The following KAT6B variants were observed in gnomAD, a reference collection of about 807,000 sequenced individuals.
The protein encoded by KAT6B is lysine acetyltransferase 6B.
In KAT6B, 10 loss-of-function variants were observed where a neutral mutation model predicts 187.5. The observed-to-expected ratio is 0.05, with a 90% CI of 0.03 to 0.09. The LOEUF is 0.09. Ranked by LOEUF, KAT6B falls within the 10% of genes least tolerant of loss-of-function variation. KAT6B has a pLI of 1.00. For synonymous variants in KAT6B, 861 were observed against 926.8 expected (o/e 0.93, Z 1.29); for missense variants, 1,952 against 2,558.9 (o/e 0.76, Z 5.12).
At chr10:74,869,167 T>C (rs187656458) in intron 3 of KAT6B, among the ~76,000 whole-genome samples, 1 of 152,358 alleles carries the variant, frequency 6.6e-6, no homozygotes, top group Admixed American at 6.5e-5. Context: ...ACCGTTTTGT[T>C]TTTGCTTATT....
intron 10 of KAT6B, among the ~76,000 whole-genome samples, chr10:74,981,306 TCTTCCTTCCTTCCTTC>T (rs558339853): frequency 7.1e-6 from 1 of 139,944 alleles, no homozygotes; most frequent in Non-Finnish European, 1.5e-5. Flanking sequence ...TTTCTTTCTT[TCTTCCTTCCTTCCTTC>T]CTTCCTTCCT....
At chr10:74,986,916 T>C (rs950336268) in intron 12 of KAT6B, among the ~76,000 whole-genome samples, 1 of 152,344 alleles carries the variant, frequency 6.6e-6, no homozygotes, top group Non-Finnish European at 1.5e-5. Context: ...TTGTGTTGGC[T>C]GCTGAGTAGC....
intron 3 of KAT6B, among the ~76,000 whole-genome samples, chr10:74,953,640 C>G (rs1468506488): frequency 1.3e-5 from 2 of 152,056 alleles, no homozygotes; most frequent in Non-Finnish European, 2.9e-5. Flanking sequence ...ATGTAGATGA[C>G]TTAAGAAGTA....
chr10:74,893,454 T>TG (rs1303641429), intron 3 of KAT6B, among the ~76,000 whole-genome samples: 2 of 149,442 alleles, frequency 1.3e-5, no homozygotes, highest in Middle Eastern at 3.5e-3. Context: ...TAGAAATCAG[T>TG]GGGTTTTTTT....
intron 3 of KAT6B, among the ~76,000 whole-genome samples, chr10:74,940,130 A>G (rs905644092): frequency 2.0e-5 from 3 of 152,084 alleles, no homozygotes; most frequent in Non-Finnish European, 4.4e-5. Context: ...AATGTGAGGG[A>G]CACTTACTTT....
intron 11 of KAT6B, chr10:74,982,540 C>T (rs1252082101): frequency 6.5e-6 from 1 of 154,914 alleles, no homozygotes; most frequent in Non-Finnish European, 1.4e-5. Flanking sequence ...TCGTAGCAGG[C>T]CTTTGCCTCT....
In KAT6B at chr10:75,030,932, G is replaced by A; in HGVS notation, c.6108G>A (p.Gln2036=). 1 of 1,614,118 alleles carries A rather than the reference G, an allele frequency of 6.2e-7. No homozygotes were observed. Among genetic ancestry groups the A allele is most frequent in the Non-Finnish European group, 8.5e-7 (1 of 1,180,012 alleles). Reference sequence around the variant, plus strand: ...TGGGCACCCAGCCATATGCCCAGCAGCCAATGCAGACCCCACCCCACGGTA... The same window carrying A: ...TGGGCACCCAGCCATATGCCCAGCAACCAATGCAGACCCCACCCCACGGTA... The part of the protein sequence containing the change: ...GMMGTQPYAQ[Q]PMQTPPHGNM... Residue 2036 remains glutamine (Q), a synonymous_variant, in exon 18 of 18, where the codon CAG becomes CAA. Coordinates refer to ENST00000287239, the MANE Select transcript of KAT6B (RefSeq NM_012330.4). This position sits in a 1 kb window ranked among gnomAD's most constrained non-coding sequence, Gnocchi z 4.8.
At chr10:75,006,563 C>T (rs906098007) in intron 13 of KAT6B, among the ~76,000 whole-genome samples, 5 of 152,150 alleles carry the variant, frequency 3.3e-5, no homozygotes, top group African/African-American at 1.2e-4. Flanking sequence ...GATCCTCCCA[C>T]CTCAGCCTCC....
intron 3 of KAT6B, among the ~76,000 whole-genome samples, chr10:74,896,773 T>C (rs1846023200): frequency 6.6e-6 from 1 of 152,220 alleles, no homozygotes; most frequent in Admixed American, 6.5e-5. Context: ...TTGTCTTCTG[T>C]TATAAAAGCA....
chr10:74,943,499 T>C (rs927969432), intron 3 of KAT6B, among the ~76,000 whole-genome samples: 7 of 152,158 alleles, frequency 4.6e-5, no homozygotes, highest in Non-Finnish European at 5.9e-5. Flanking sequence ...TGAAATAGTT[T>C]AAAAATTTTT....
chr10:74,896,816 G>A (rs1036172210), intron 3 of KAT6B, among the ~76,000 whole-genome samples: 5 of 152,150 alleles, frequency 3.3e-5, no homozygotes, highest in Non-Finnish European at 7.4e-5. Context: ...TTGAGAGGTT[G>A]TTTAATGAAT....
chr10:74,994,019 A>T (rs1319936060), intron 13 of KAT6B, among the ~76,000 whole-genome samples: 1 of 152,198 alleles, frequency 6.6e-6, no homozygotes, highest in South Asian at 2.1e-4. Flanking sequence ...CTTTGGGATT[A>T]TATAAATATC....
Position 74,842,906 on chromosome 10 carries a change from A to G in KAT6B, c.49A>G (p.Ile17Val). 1 of 1,614,202 alleles carries G rather than the reference A, an allele frequency of 6.2e-7. No homozygotes were observed. The highest frequency in any genetic ancestry group is 1.1e-5 in the South Asian group (1 of 91,086). ...TTATACAGAGTGGATTCTTGAAGCT[A>G]TACAGAAAATAAAAAAGCAAAAGCA... ...PLYTEWILEAIQKIKKQKQRP... is the reference protein window; with the variant it reads ...PLYTEWILEAVQKIKKQKQRP... The change falls in exon 3 of 18, where the codon ATA (isoleucine) becomes GTA (valine). Residue 17 changes from isoleucine (I) to valine (V), a missense_variant. Physicochemically the swap from Ile to Val is conservative, Grantham distance 29. Coordinates refer to ENST00000287239, the MANE Select transcript of KAT6B (RefSeq NM_012330.4).
intron 3 of KAT6B, among the ~76,000 whole-genome samples, chr10:74,939,688 T>C (rs1199982123): frequency 6.6e-6 from 1 of 152,152 alleles, no homozygotes; most frequent in Non-Finnish European, 1.5e-5. Context: ...CGTGAGCCAC[T>C]GTGCCCAGCT....
intron 3 of KAT6B, among the ~76,000 whole-genome samples, chr10:74,953,251 T>C (rs1840444464): frequency 6.6e-6 from 1 of 152,166 alleles, no homozygotes; most frequent in South Asian, 2.1e-4. Context: ...AAGTCTTTTA[T>C]AGAGTAATTC....
chr10:74,999,561 T>C (rs1254545672), intron 13 of KAT6B, among the ~76,000 whole-genome samples: 1 of 152,074 alleles, frequency 6.6e-6, no homozygotes, highest in Non-Finnish European at 1.5e-5. Context: ...AATTGGGAGA[T>C]AATGGTGTTA....
At chr10:74,894,575 C>G (rs763590528) in intron 3 of KAT6B, among the ~76,000 whole-genome samples, 1 of 152,188 alleles carries the variant, frequency 6.6e-6, no homozygotes, top group Non-Finnish European at 1.5e-5. Flanking sequence ...TCCTGATTCC[C>G]TGCTTCTGCC....
chr10:74,951,667 G>T (rs1026287009), intron 3 of KAT6B, among the ~76,000 whole-genome samples: 20 of 152,164 alleles, frequency 1.3e-4, no homozygotes, highest in African/African-American at 4.6e-4. Flanking sequence ...GTCCCGTCTT[G>T]TCAGTTTATG....
intron 3 of KAT6B, among the ~76,000 whole-genome samples, chr10:74,882,210 T>A (rs1844904655): frequency 6.6e-6 from 1 of 152,228 alleles, no homozygotes; most frequent in African/African-American, 2.4e-5. Context: ...AACCAGAGAT[T>A]CCTCTTATTC....
Sources: allele counts gnomAD v4.1 joint callset (sites outside exome capture counted in the v4.1 genomes callset), GRCh38; gene constraint gnomAD v4.1.1; non-coding constraint Gnocchi (gnomAD v3.1); transcripts MANE v1.5; gene names NCBI Gene and HGNC (gene_info 2026-07-23, HGNC 2026-07-21).